The following PLEKHA5 variants were observed in gnomAD, a reference collection of about 807,000 sequenced individuals.
The protein encoded by PLEKHA5 is pleckstrin homology domain containing A5, also known as pleckstrin homology domain-containing family A member 5.
In PLEKHA5, 55 loss-of-function variants were observed where a neutral mutation model predicts 181.9. The ratio of observed to expected loss-of-function variants is 0.30; its 90% CI spans 0.24 to 0.38. The LOEUF (loss-of-function observed/expected upper bound fraction) is 0.38, where lower values mean the gene tolerates loss of function less well. PLEKHA5 is among the 10% of genes least tolerant of loss of function. The pLI, the probability that PLEKHA5 is intolerant of heterozygous loss-of-function variation, is 1.00. For synonymous variants in PLEKHA5, 535 were observed against 529.4 expected (o/e 1.01, Z -0.15); for missense variants, 1,432 against 1,549.5 (o/e 0.92, Z 1.27).
chr12:19,271,186 G>A (rs991457040), intron 10 of PLEKHA5, among the ~76,000 whole-genome samples: 3 of 152,124 alleles, frequency 2.0e-5, no homozygotes, highest in Admixed American at 1.3e-4. Context: ...CACTGATAAC[G>A]AGAGAAAATG....
chr12:19,166,355 C>T (rs548148747), intron 3 of PLEKHA5, among the ~76,000 whole-genome samples: 1 of 152,292 alleles, frequency 6.6e-6, no homozygotes, highest in African/African-American at 2.4e-5. Flanking sequence ...TGTCTTGCAT[C>T]TAATGTTATA....
chr12:19,194,552 A>G (rs2052157320), intron 3 of PLEKHA5, among the ~76,000 whole-genome samples: 1 of 152,224 alleles, frequency 6.6e-6, no homozygotes, highest in African/African-American at 2.4e-5. Flanking sequence ...ACAAATTTAC[A>G]TCCCTACCAA....
chr12:19,288,349 A>G (rs1162147223), intron 13 of PLEKHA5, among the ~76,000 whole-genome samples: 1 of 152,198 alleles, frequency 6.6e-6, no homozygotes, highest in East Asian at 1.9e-4. Context: ...TACCATTACC[A>G]TTTCATTGTC....
intron 3 of PLEKHA5, chr12:19,149,334 C>T (rs369190835): frequency 6.6e-6 from 1 of 151,858 alleles, no homozygotes; most frequent in Admixed American, 6.6e-5. Flanking sequence ...AACCCCATCT[C>T]TACTAAAAAT....
chr12:19,192,315 CTGAT>C (rs1183719771), intron 3 of PLEKHA5, among the ~76,000 whole-genome samples: 2 of 151,978 alleles, frequency 1.3e-5, no homozygotes, highest in Admixed American at 6.6e-5. Flanking sequence ...TGAGGAAAGA[CTGAT>C]TAAGTTCACT....
At chr12:19,306,862 A>G in intron 15 of PLEKHA5, 1 of 790,942 alleles carries the variant, frequency 1.3e-6, no homozygotes, top group Non-Finnish European at 2.2e-6. Context: ...TACCATATGC[A>G]GAAGGAGTTA....
chr12:19,291,685 T>C lies in PLEKHA5; in HGVS notation c.2025T>C (p.Tyr675=), dbSNP rs1399502868. The C allele has an allele frequency of 6.6e-7, 1 of 1,508,342 alleles. No homozygotes were observed. 93.4% of individuals were successfully genotyped at this position (1,508,342 alleles called of 1,614,324 possible). A position where few individuals can be genotyped will look rare whatever the true frequency, so the allele number is the denominator to read the frequency against. The change falls in exon 15 of 32, where the codon TAT becomes TAC. Residue 675 remains tyrosine (Y), a synonymous_variant. Transcript: ENST00000429027. ...ATCATCTCCAAAGGAACACCATATA[T>C]TTGGATCATCAGGTGGGATTCATAG... is the stretch of plus-strand genomic sequence containing the variant. ...LSHHLQRNTI[Y]LDHQMKENEP...
intron 3 of PLEKHA5, among the ~76,000 whole-genome samples, chr12:19,188,734 C>CAT (rs1225641712): frequency 2.6e-5 from 4 of 152,132 alleles, no homozygotes; most frequent in African/African-American, 9.7e-5. Flanking sequence ...ATTTATAATA[C>CAT]ATATTATGTT....
chr12:19,193,090 T>C (rs2051611029), intron 3 of PLEKHA5, among the ~76,000 whole-genome samples: 1 of 152,204 alleles, frequency 6.6e-6, no homozygotes, highest in Non-Finnish European at 1.5e-5. Context: ...TGTTTCAGAT[T>C]TTAGACTTTT....
At chr12:19,154,459 A>C (rs1188706296) in intron 3 of PLEKHA5, 1 of 152,174 alleles carries the variant, frequency 6.6e-6, no homozygotes, top group Middle Eastern at 3.2e-3. Flanking sequence ...TCAGCAATGG[A>C]TAATCAATTT....
chr12:19,357,501 C>T (rs2095012804), intron 26 of PLEKHA5, among the ~76,000 whole-genome samples: 1 of 152,132 alleles, frequency 6.6e-6, no homozygotes, highest in South Asian at 2.1e-4. Flanking sequence ...CTGCCTCAGC[C>T]TCCCAAAGTA....
intron 3 of PLEKHA5, chr12:19,237,015 A>T (rs997568017): frequency 6.6e-6 from 1 of 152,184 alleles, no homozygotes; most frequent in African/African-American, 2.4e-5. Context: ...CCTTTTAAGA[A>T]TTGATTTTGA....
At chr12:19,174,588 G>A (rs975322652) in intron 3 of PLEKHA5, among the ~76,000 whole-genome samples, 27 of 152,134 alleles carry the variant, frequency 1.8e-4, no homozygotes, top group African/African-American at 5.1e-4. Flanking sequence ...GGAAGCAGGC[G>A]TAGGGACCGT....
rs148086449 is a variant in PLEKHA5 at position 19,218,027 on chromosome 12, T to G, written c.228-35913T>G. ...TTTAGCTGGATGACTGCCTCAAGAT[T>G]GTTGGATACCATCTTGGGGGCTGGC... On this transcript the variant is annotated intron_variant, in intron 3 of 31. Coordinates refer to ENST00000429027, the MANE Select transcript of PLEKHA5 (RefSeq NM_001256470.2). Among the ~76,000 whole-genome samples the G allele has an allele frequency of 5.4e-3, 824 of 152,316 alleles. 5 individuals carry two copies. Among genetic ancestry groups the G allele is most frequent in the African/African-American group, 0.019 (781 of 41,568 alleles).
chr12:19,322,029 TTTATA>T (rs2153044934), intron 18 of PLEKHA5, among the ~76,000 whole-genome samples: 1 of 152,254 alleles, frequency 6.6e-6, no homozygotes, highest in Admixed American at 6.5e-5. Flanking sequence ...TGATCTATTG[TTTATA>T]TTATTTTCTA....
intron 3 of PLEKHA5, among the ~76,000 whole-genome samples, chr12:19,218,917 T>TA (rs2058473134): frequency 7.1e-6 from 1 of 140,948 alleles, no homozygotes; most frequent in African/African-American, 2.5e-5. Flanking sequence ...TTTTTTTTTT[T>TA]ACTTTTTAAT....
chr12:19,178,290 T>C (rs1182035398), intron 3 of PLEKHA5, among the ~76,000 whole-genome samples: 1 of 152,258 alleles, frequency 6.6e-6, no homozygotes, highest in Non-Finnish European at 1.5e-5. Context: ...CATTATATTT[T>C]GTTCAGAATT....
At chr12:19,231,833 G>A (rs1418647254) in intron 3 of PLEKHA5, among the ~76,000 whole-genome samples, 3 of 151,502 alleles carry the variant, frequency 2.0e-5, no homozygotes, top group Admixed American at 1.3e-4. Flanking sequence ...TACTCTGACT[G>A]GAAATTTTTC....
At chr12:19,337,381 T>C (rs1343194908) in intron 21 of PLEKHA5, among the ~76,000 whole-genome samples, 2 of 150,936 alleles carry the variant, frequency 1.3e-5, no homozygotes, top group Non-Finnish European at 3.0e-5. Flanking sequence ...GGCGAAACCC[T>C]GTCTCTACTA....
Sources: gnomAD v4.1 joint callset for allele counts (sites outside exome capture counted in the v4.1 genomes callset) on GRCh38, gnomAD v4.1.1 for gene constraint, MANE v1.5 for transcripts, NCBI Gene and HGNC (gene_info 2026-07-23, HGNC 2026-07-21) for gene names.